The following INTS11 variants were observed in gnomAD, a reference collection of about 807,000 sequenced individuals.
INTS11 encodes the protein CPSF3-like protein.
Under a neutral mutation model 78.6 loss-of-function variants are expected in INTS11, and 77 were observed. The observed-to-expected ratio is 0.98, with a 90% CI of 0.81 to 1.18. The LOEUF (loss-of-function observed/expected upper bound fraction) is 1.18, where lower values mean the gene tolerates loss of function less well. INTS11 is among the 50% of genes most tolerant of loss of function. The probability of loss-of-function intolerance (pLI) is 0.00; values close to 1 mark genes in which losing one functional copy is unlikely to be tolerated. For synonymous variants in INTS11, 441 were observed against 326.9 expected (o/e 1.35, Z -3.77); for missense variants, 875 against 825.9 (o/e 1.06, Z -0.73).
In INTS11 at chr1:1,314,245, G is replaced by A; in HGVS notation, c.767+56C>T. On this transcript the variant is annotated intron_variant, in intron 8 of 16. Transcript: ENST00000435064. This position sits in a 1 kb window ranked among gnomAD's most constrained non-coding sequence, Gnocchi z 4.2. ...GCTGGACAGGGCTGCCCACCAACTG[G>A]ACTGTGTTCAGGCCGGGCCAGGGGC... is the stretch of plus-strand genomic sequence containing the variant. 1.4e-6 allele frequency: 2 copies of A among 1,477,660 alleles called. No homozygotes were observed. The highest frequency in any genetic ancestry group is 1.2e-5 in the South Asian group (1 of 82,672). 91.5% of individuals were successfully genotyped at this position (1,477,660 alleles called of 1,614,324 possible).
chr1:1,321,898 T>TTCCCCCCCCCCCCC, intron 1 of INTS11: 10 of 1,141,838 alleles, frequency 8.8e-6, no homozygotes, highest in South Asian at 2.1e-5. Flanking sequence ...TCCCCTTGAA[T>TTCCCCCCCCCCCCC]CCCACCCACC....
chr1:1,319,328 CCTT>C lies in INTS11; in HGVS notation c.394_396del (p.Lys132del). ...GTCTGGTGGAGGTGGACAGCCACCA[CCTT>C]CTTCATGCAGTCTTTGATCATCTGG... is the stretch of plus-strand genomic sequence containing the variant. On this transcript the variant is annotated inframe_deletion, in exon 4 of 17. Coordinates refer to ENST00000435064, the MANE Select transcript of INTS11 (RefSeq NM_017871.6). 6.2e-7 allele frequency: 1 copy of C among 1,613,294 alleles called. No individual in the cohort carries two copies. Among genetic ancestry groups the C allele is most frequent in the Non-Finnish European group, 8.5e-7 (1 of 1,180,018 alleles).
At chr1:1,320,210 G>A (rs1642862600) in intron 3 of INTS11, 3 of 515,814 alleles carry the variant, frequency 5.8e-6, no homozygotes, top group East Asian at 3.3e-5. Flanking sequence ...AGGCATCAGA[G>A]AGGGTGAAGC....
At chr1:1,320,130 G>T (rs760462042) in intron 3 of INTS11, 64 of 301,666 alleles carry the variant, frequency 2.1e-4, no homozygotes, top group Non-Finnish European at 3.3e-4. Flanking sequence ...CTAAAGGCTG[G>T]GGTCAGGGCA....
At chr1:1,322,053 T>C in intron 1 of INTS11, 1 of 1,065,960 alleles carries the variant, frequency 9.4e-7, no homozygotes, top group Non-Finnish European at 1.2e-6. Context: ...GTGAGCTCTC[T>C]GAGAGCAGGG....
intron 8 of INTS11, 28 bp from the exon 9 acceptor site, chr1:1,313,949 G>C: frequency 6.2e-7 from 1 of 1,601,990 alleles, no homozygotes; most frequent in Non-Finnish European, 8.5e-7. Context: ...AGTCAGCACA[G>C]TGGCCACAGG....
intron 4 of INTS11, chr1:1,318,987 C>T (rs907996308): frequency 1.5e-4 from 104 of 717,166 alleles, no homozygotes; most frequent in Non-Finnish European, 2.4e-4. Context: ...CCGCTCCAAG[C>T]GCTCTGAGGG....
chr1:1,320,916 T>G (rs776201044), intron 2 of INTS11, 80 bp downstream of exon 2: 1 of 1,262,494 alleles, frequency 7.9e-7, no homozygotes, highest in East Asian at 2.3e-5. Flanking sequence ...ACCACCCCAC[T>G]GTCCCGGCTC....
chr1:1,315,899 C>T (rs1001063047), intron 4 of INTS11, among the ~76,000 whole-genome samples: 14 of 151,954 alleles, frequency 9.2e-5, no homozygotes, highest in Admixed American at 6.5e-4. Context: ...GTTGCTCACA[C>T]ACAGCATCCA....
rs762194174 is a variant in INTS11 at position 1,311,636 on chromosome 1, G to T, written c.*223C>A. 7 of 712,424 alleles carry T rather than the reference G, an allele frequency of 9.8e-6. No homozygotes were observed. Among genetic ancestry groups the T allele is most frequent in the Admixed American group, 6.0e-5 (3 of 49,712 alleles). The allele number at this position is 712,424 out of a possible 1,614,324, so 44.1% of individuals were successfully genotyped here. On this transcript the variant is annotated 3_prime_UTR_variant, in exon 17 of 17. Coordinates refer to ENST00000435064, the MANE Select transcript of INTS11 (RefSeq NM_017871.6). ...GCTTTTACTGGAAACTGCTGTCTAG[G>T]ACCACCTGCCCTAACCAGGAATAAA... is the stretch of plus-strand genomic sequence containing the variant.
chr1:1,318,460 C>T (rs1262523452), intron 4 of INTS11, among the ~76,000 whole-genome samples: 4 of 151,736 alleles, frequency 2.6e-5, no homozygotes, highest in East Asian at 1.9e-4. Context: ...CCCAGGAGTT[C>T]GAGAGCCTTA....
In INTS11 at chr1:1,314,986, G is replaced by C. The variant is rs771679573; in HGVS notation, c.564-24C>G. ...CTCTGGAACACGGGGGTGGGGGTGTGAGCCACGATGCACTGTCCCCACGGT... is the reference window on the plus strand; with the variant it reads ...CTCTGGAACACGGGGGTGGGGGTGTCAGCCACGATGCACTGTCCCCACGGT... On this transcript the variant is annotated intron_variant, in intron 6 of 16. Coordinates refer to ENST00000435064, the MANE Select transcript of INTS11 (RefSeq NM_017871.6). The surrounding 1 kb of genome is among the most constrained non-coding windows in gnomAD (Gnocchi z 4.2). 1 of 1,609,888 alleles carries C rather than the reference G, an allele frequency of 6.2e-7. No homozygotes were observed. The highest frequency in any genetic ancestry group is 1.3e-5 in the African/African-American group (1 of 75,000).
chr1:1,313,215 G>A (rs1217662161), intron 10 of INTS11, 91 bp from the exon 11 acceptor site: 2 of 1,430,702 alleles, frequency 1.4e-6, no homozygotes, highest in African/African-American at 2.8e-5. Flanking sequence ...ACCCCTGGAA[G>A]CTGTTTCCAC....
chr1:1,324,512 G>A, intron 1 of INTS11, 69 bp downstream of exon 1: 7 of 1,472,818 alleles, frequency 4.8e-6, no homozygotes, highest in Non-Finnish European at 4.6e-6. Flanking sequence ...GGGAGGGAGC[G>A]GGGCGCCCAG....
chr1:1,322,598 G>A (rs1196147929), intron 1 of INTS11, among the ~76,000 whole-genome samples: 3 of 115,266 alleles, frequency 2.6e-5, no homozygotes, highest in Non-Finnish European at 5.6e-5. Flanking sequence ...ATGGTCCAGG[G>A]GAGGAGAAGA....
rs566862119 is a variant in INTS11 at position 1,324,628 on chromosome 1, G to C, written c.-20C>G. On this transcript the variant is annotated 5_prime_UTR_variant, in exon 1 of 17. Coordinates refer to ENST00000435064, the MANE Select transcript of INTS11 (RefSeq NM_017871.6). ...AGGCATCGTCTCCGCCGCGCTCCCG[G>C]ACCCGCGAGGCCCGCCTGCGGTGAT... 5.6e-6 allele frequency: 9 copies of C among 1,598,738 alleles called. No individual in the cohort carries two copies. The East Asian group carries it at 2.1e-4, about 37-fold the overall frequency.
intron 4 of INTS11, chr1:1,318,806 A>G: frequency 1.7e-6 from 1 of 593,842 alleles, no homozygotes; most frequent in South Asian, 2.1e-5. Context: ...AGACACAGAC[A>G]AACCCATAAT....
chr1:1,314,737 C>G lies in INTS11; in HGVS notation c.702+87G>C, dbSNP rs1642472026. On this transcript the variant is annotated intron_variant, in intron 7 of 16. Transcript: ENST00000435064. This position sits in a 1 kb window ranked among gnomAD's most constrained non-coding sequence, Gnocchi z 4.2. Reference sequence around the variant, plus strand: ...ATGCAGTACCCCCCACCCTGAGACCCTGACCCATGCCAAGGGCAGCCAAGC... The same window carrying G: ...ATGCAGTACCCCCCACCCTGAGACCGTGACCCATGCCAAGGGCAGCCAAGC... 6.7e-7 allele frequency: 1 copy of G among 1,497,670 alleles called. No individual in the cohort carries two copies. Among genetic ancestry groups the G allele is most frequent in the South Asian group, 1.2e-5 (1 of 80,944 alleles). 92.8% of individuals were successfully genotyped at this position (1,497,670 alleles called of 1,614,324 possible). A position where few individuals can be genotyped will look rare whatever the true frequency, so the allele number is the denominator to read the frequency against.
chr1:1,316,429 A>G (rs1466976532), intron 4 of INTS11: 3 of 152,236 alleles, frequency 2.0e-5, no homozygotes, highest in East Asian at 3.8e-4. Flanking sequence ...TCTCTACTAA[A>G]AATACAAAAG....
Sources: allele counts gnomAD v4.1 joint callset (sites outside exome capture counted in the v4.1 genomes callset), GRCh38; gene constraint gnomAD v4.1.1; non-coding constraint Gnocchi (gnomAD v3.1); transcripts MANE v1.5; gene names NCBI Gene and HGNC (gene_info 2026-07-23, HGNC 2026-07-21).